ARHGAP15: variants seen among roughly 807,000 people sequenced by gnomAD.
ARHGAP15 encodes the protein rho GTPase-activating protein 15.
In ARHGAP15, 51 loss-of-function variants were observed where a neutral mutation model predicts 63.7. The observed-to-expected ratio is 0.80, with a 90% CI of 0.64 to 1.01. ARHGAP15 has a LOEUF of 1.01. Among genes scored for constraint, ARHGAP15 ranks in the 50% least tolerant of loss-of-function variants. The pLI, the probability that ARHGAP15 is intolerant of heterozygous loss-of-function variation, is 0.00. For synonymous variants in ARHGAP15, 191 were observed against 193.8 expected (o/e 0.99, Z 0.12); for missense variants, 560 against 564.6 (o/e 0.99, Z 0.08).
At chr2:143,336,813 C>T (rs966566703) in intron 6 of ARHGAP15, among the ~76,000 whole-genome samples, 1 of 152,126 alleles carries the variant, frequency 6.6e-6, no homozygotes, top group African/African-American at 2.4e-5. Context: ...TTTCTGCTTT[C>T]TTTTTGAATT....
intron 12 of ARHGAP15, among the ~76,000 whole-genome samples, chr2:143,647,398 C>T (rs367896454): frequency 6.6e-6 from 1 of 150,776 alleles, no homozygotes; most frequent in South Asian, 2.1e-4. Context: ...AAGCAAGGCA[C>T]TTATTAGAAA....
intron 6 of ARHGAP15, among the ~76,000 whole-genome samples, chr2:143,349,021 A>G (rs1558911794): frequency 2.6e-5 from 4 of 152,190 alleles, no homozygotes; most frequent in African/African-American, 9.6e-5. Context: ...AAGGAATGAA[A>G]TAACTCCTAA....
intron 10 of ARHGAP15, among the ~76,000 whole-genome samples, chr2:143,522,896 A>G (rs1255074603): frequency 1.3e-5 from 2 of 152,162 alleles, no homozygotes; most frequent in Admixed American, 6.6e-5. Context: ...TGATGACGTC[A>G]TATGTGTAGA....
At chr2:143,166,197 T>A (rs373238953) in intron 2 of ARHGAP15, among the ~76,000 whole-genome samples, 1 of 152,056 alleles carries the variant, frequency 6.6e-6, no homozygotes, top group South Asian at 2.1e-4. Context: ...TTTAAGGGAA[T>A]CTTGCTGTTG....
intron 11 of ARHGAP15, among the ~76,000 whole-genome samples, chr2:143,593,488 C>T (rs1446079016): frequency 6.6e-6 from 1 of 152,144 alleles, no homozygotes; most frequent in East Asian, 1.9e-4. Context: ...AGAAGAAAGG[C>T]TTTTACATGA....
intron 4 of ARHGAP15, among the ~76,000 whole-genome samples, chr2:143,218,245 T>G (rs955195641): frequency 2.6e-5 from 4 of 151,872 alleles, no homozygotes; most frequent in Non-Finnish European, 5.9e-5. Flanking sequence ...TCTTTCAGCC[T>G]TTTCCACTTA....
intron 6 of ARHGAP15, among the ~76,000 whole-genome samples, chr2:143,395,824 G>A (rs1172829088): frequency 4.6e-5 from 7 of 152,128 alleles, no homozygotes; most frequent in Non-Finnish European, 1.0e-4. Flanking sequence ...AGACAGAAAC[G>A]TAATACAGGT....
intron 6 of ARHGAP15, among the ~76,000 whole-genome samples, chr2:143,271,723 G>A (rs931031814): frequency 3.3e-5 from 5 of 152,156 alleles, no homozygotes; most frequent in African/African-American, 1.2e-4. Context: ...TGATCCGCCC[G>A]CCTTGGCCTC....
At chr2:143,267,161 T>C (rs1681039195) in intron 6 of ARHGAP15, among the ~76,000 whole-genome samples, 1 of 152,148 alleles carries the variant, frequency 6.6e-6, no homozygotes, top group Admixed American at 6.6e-5. Context: ...TAAAGAATTG[T>C]AGACCCTACC....
At chr2:143,384,187 G>T (rs904394149) in intron 6 of ARHGAP15, among the ~76,000 whole-genome samples, 3 of 151,788 alleles carry the variant, frequency 2.0e-5, no homozygotes, top group African/African-American at 7.3e-5. Context: ...TATGCCTGTT[G>T]ATTTTTTTTT....
At chr2:143,490,221 A>G (rs975661172) in intron 9 of ARHGAP15, among the ~76,000 whole-genome samples, 2 of 151,932 alleles carry the variant, frequency 1.3e-5, no homozygotes, top group Non-Finnish European at 2.9e-5. Flanking sequence ...GGATGGTCTC[A>G]ATCTCCTGAC....
In ARHGAP15 at chr2:143,605,319, CTT is replaced by C. The variant is rs532036575; in HGVS notation, c.1004-18812_1004-18811del. Among the ~76,000 whole-genome samples, 11 of 152,306 alleles carry C rather than the reference CTT, an allele frequency of 7.2e-5. No individual in the cohort carries two copies. The South Asian group carries it at 2.3e-3, about 32-fold the overall frequency. On this transcript the variant is annotated intron_variant, in intron 11 of 13. Transcript: ENST00000295095. ...AAGGATGGAGCTCTGACTCTAAGCT[CTT>C]TGCTCTGTCCACCTCAGCGCCATAG...
At chr2:143,514,518 T>C (rs1693721537) in intron 9 of ARHGAP15, among the ~76,000 whole-genome samples, 1 of 152,238 alleles carries the variant, frequency 6.6e-6, no homozygotes, top group Admixed American at 6.5e-5. Context: ...TTAGTTTCCA[T>C]GTCCTGCCAA....
intron 9 of ARHGAP15, among the ~76,000 whole-genome samples, chr2:143,512,356 T>A (rs2104962926): frequency 6.6e-6 from 1 of 152,354 alleles, no homozygotes; most frequent in Admixed American, 6.5e-5. Flanking sequence ...ATAAAATGCA[T>A]ATTCGTCACT....
At chr2:143,458,467 G>A (rs915766629) in intron 8 of ARHGAP15, among the ~76,000 whole-genome samples, 1 of 152,066 alleles carries the variant, frequency 6.6e-6, no homozygotes, top group Admixed American at 6.6e-5. Flanking sequence ...ATGACTCTGC[G>A]CACTACCTGC....
At chr2:143,239,413 G>A (rs1407209507) in intron 5 of ARHGAP15, among the ~76,000 whole-genome samples, 1 of 151,996 alleles carries the variant, frequency 6.6e-6, no homozygotes, top group Non-Finnish European at 1.5e-5. Flanking sequence ...TTGTCTAATA[G>A]AATTTTGTAC....
intron 11 of ARHGAP15, among the ~76,000 whole-genome samples, chr2:143,561,065 A>G (rs932127605): frequency 3.9e-5 from 6 of 152,188 alleles, no homozygotes; most frequent in African/African-American, 1.4e-4. Context: ...CTTTTCTTGC[A>G]TGGGGGGTAC....
chr2:143,637,585 C>CA (rs1266140398), intron 12 of ARHGAP15, among the ~76,000 whole-genome samples: 1 of 152,072 alleles, frequency 6.6e-6, no homozygotes, highest in Non-Finnish European at 1.5e-5. Context: ...GTGATATTTA[C>CA]AAACCTGAGC....
chr2:143,211,985 A>G (rs1692580320), intron 3 of ARHGAP15, among the ~76,000 whole-genome samples: 1 of 152,206 alleles, frequency 6.6e-6, no homozygotes, highest in Non-Finnish European at 1.5e-5. Context: ...TTAAAAGCCA[A>G]ACCCTTCTCA....
Sources: allele counts gnomAD v4.1 joint callset (sites outside exome capture counted in the v4.1 genomes callset), GRCh38; gene constraint gnomAD v4.1.1; transcripts MANE v1.5; gene names NCBI Gene and HGNC (gene_info 2026-07-23, HGNC 2026-07-21).